The following PSMD1 variants were observed in gnomAD, a reference collection of about 807,000 sequenced individuals.
PSMD1 encodes 26S proteasome non-ATPase regulatory subunit 1.
PSMD1 carries 18 observed loss-of-function variants against 119.0 expected under a neutral mutation model. The observed-to-expected ratio is 0.15, with a 90% CI of 0.10 to 0.22. The LOEUF (loss-of-function observed/expected upper bound fraction) is 0.22. PSMD1 is among the 10% of genes least tolerant of loss of function. The probability of loss-of-function intolerance (pLI) is 1.00; values close to 1 mark genes in which losing one functional copy is unlikely to be tolerated. For missense variants in PSMD1, 702 were observed against 1,158.5 expected, an observed-to-expected ratio of 0.61 and a Z score of 5.72; for synonymous variants, 374 against 396.6, an observed-to-expected ratio of 0.94 and a Z score of 0.68.
chr2:231,102,267 T>C (rs1468424073), intron 16 of PSMD1, among the ~76,000 whole-genome samples: 1 of 152,216 alleles, frequency 6.6e-6, no homozygotes, highest in Non-Finnish European at 1.5e-5. Flanking sequence ...ATACTCTCTT[T>C]ATTGTAGTAG....
At chr2:231,093,627 A>G (rs1209954275) in intron 16 of PSMD1, among the ~76,000 whole-genome samples, 1 of 152,178 alleles carries the variant, frequency 6.6e-6, no homozygotes. Context: ...ACATTTTTCC[A>G]TTAAACTGCA....
At chr2:231,131,456 A>G (rs1296611370) in intron 16 of PSMD1, among the ~76,000 whole-genome samples, 2 of 152,130 alleles carry the variant, frequency 1.3e-5, no homozygotes, top group African/African-American at 4.8e-5. Flanking sequence ...CATTCCAATC[A>G]TTGCTTAGAA....
At chr2:231,107,781 G>A (rs563062193) in intron 16 of PSMD1, among the ~76,000 whole-genome samples, 37 of 152,298 alleles carry the variant, frequency 2.4e-4, no homozygotes, top group African/African-American at 7.5e-4. Context: ...GCTTGTGCAC[G>A]TTAATTAATA....
In PSMD1 at chr2:231,086,893, C is replaced by G. The variant is rs41265103; in HGVS notation, c.1819-224C>G. 2.8e-3 allele frequency among the ~76,000 whole-genome samples: 423 copies of G among 152,238 alleles called. 2 individuals are homozygous for G. The highest frequency in any genetic ancestry group is 4.9e-3 in the Non-Finnish European group (331 of 68,008). ...AGAAGTTTGAGACCAGACTGGGCAA[C>G]ATAGGGAGACCCTGTCTCTATAAAA... is the stretch of plus-strand genomic sequence containing the variant. On this transcript the variant is annotated intron_variant, in intron 15 of 24. Coordinates refer to ENST00000308696, the MANE Select transcript of PSMD1 (RefSeq NM_002807.4).
chr2:231,156,280 C>T (rs1044186967), intron 19 of PSMD1, among the ~76,000 whole-genome samples: 2 of 152,076 alleles, frequency 1.3e-5, no homozygotes, highest in African/African-American at 4.8e-5. Flanking sequence ...CCAATTTCCC[C>T]TGTTATTGGC....
intron 17 of PSMD1, among the ~76,000 whole-genome samples, chr2:231,143,816 C>T (rs1696187830): frequency 6.6e-6 from 1 of 152,134 alleles, no homozygotes; most frequent in Non-Finnish European, 1.5e-5. Flanking sequence ...TTTCATAGAA[C>T]TGATATTCTG....
rs919241864 is a variant in PSMD1, at chr2:231,077,039, A to G, written c.948A>G (p.Pro316=). The change falls in exon 9 of 25, where the codon CCA becomes CCG. Residue 316 remains proline (P), a synonymous_variant. Transcript: ENST00000308696. ...AFVGKTPEAS[P]EPKDQTLKMI... ...TTTTTTGTTTGTTTTGGCAGAGTCC[A>G]GAGCCTAAGGACCAGACTTTGAAAA... 1 of 1,596,362 alleles carries G rather than the reference A, an allele frequency of 6.3e-7. No homozygotes were observed. The highest frequency in any genetic ancestry group is 1.8e-5 in the Admixed American group (1 of 54,952).
intron 4 of PSMD1, among the ~76,000 whole-genome samples, chr2:231,065,356 G>A (rs1044203179): frequency 6.0e-5 from 9 of 151,164 alleles, no homozygotes; most frequent in African/African-American, 1.9e-4. Context: ...GCAGTGGCGC[G>A]ATCTCGGCTC....
chr2:231,069,324 G>A lies in PSMD1; in HGVS notation c.511-701G>A, dbSNP rs542277199. On this transcript the variant is annotated intron_variant, in intron 5 of 24. Transcript: ENST00000308696. ...GATATAACTCTGTTATTTTTAAATT[G>A]TATTTTTTATTTTTTTAATTTGCTA... is the stretch of plus-strand genomic sequence containing the variant. 2.8e-4 allele frequency among the ~76,000 whole-genome samples: 42 copies of A among 151,918 alleles called. No individual in the cohort carries two copies. The South Asian group carries it at 7.9e-3, about 29-fold the overall frequency.
rs374199171 is a variant in PSMD1, at chr2:231,163,739, G to T, written c.2481+12G>T. ...AAGAAAAGGAAAAGGTAGGTTCTTT[G>T]TTCCTTTTAGCAGCATTTGTACTTA... On this transcript the variant is annotated intron_variant, in intron 21 of 24. Transcript: ENST00000308696. 3.2e-6 allele frequency: 5 copies of T among 1,568,832 alleles called. No homozygotes were observed. In the African/African-American group the frequency reaches 5.4e-5, roughly 17 times the overall value.
intron 16 of PSMD1, chr2:231,124,847 T>C (rs902816638): frequency 2.0e-5 from 3 of 152,186 alleles, no homozygotes; most frequent in African/African-American, 7.2e-5. Context: ...CCTTTAGCAT[T>C]AGTAAATTTT....
intron 16 of PSMD1, among the ~76,000 whole-genome samples, chr2:231,101,337 G>A (rs916893500): frequency 1.3e-5 from 2 of 152,056 alleles, no homozygotes; most frequent in Non-Finnish European, 2.9e-5. Flanking sequence ...TGAAGCTTTT[G>A]CAAAACCTCC....
At chr2:231,130,510 G>T (rs1304195667) in intron 16 of PSMD1, among the ~76,000 whole-genome samples, 1 of 152,030 alleles carries the variant, frequency 6.6e-6, no homozygotes, top group African/African-American at 2.4e-5. Context: ...TCACTCTGTT[G>T]CCCAGGCTGT....
At chr2:231,094,362 TG>T (rs1296775054) in intron 16 of PSMD1, among the ~76,000 whole-genome samples, 1 of 152,242 alleles carries the variant, frequency 6.6e-6, no homozygotes, top group East Asian at 1.9e-4. Flanking sequence ...CATAAGCCAA[TG>T]GGCCAGGCAG....
intron 12 of PSMD1, among the ~76,000 whole-genome samples, chr2:231,082,210 G>A (rs1274141759): frequency 6.6e-6 from 1 of 152,084 alleles, no homozygotes; most frequent in South Asian, 2.1e-4. Flanking sequence ...TCACAGGCAT[G>A]CACCACCACG....
intron 20 of PSMD1, among the ~76,000 whole-genome samples, chr2:231,162,850 A>C (rs1397262909): frequency 6.6e-5 from 10 of 151,006 alleles, no homozygotes; most frequent in African/African-American, 2.4e-4. Flanking sequence ...AGAAAGAAAG[A>C]AAGAAAGGAA....
chr2:231,058,363 T>A (rs996805675), intron 1 of PSMD1, among the ~76,000 whole-genome samples: 1 of 152,254 alleles, frequency 6.6e-6, no homozygotes. Context: ...GTTTTTCTTG[T>A]GGACTATGCT....
chr2:231,168,332 T>A (rs536421804), intron 23 of PSMD1, among the ~76,000 whole-genome samples: 1 of 152,224 alleles, frequency 6.6e-6, no homozygotes. Flanking sequence ...AAGAGAAAAC[T>A]GTGCCCACAC....
rs75590540 is a variant in PSMD1 at position 231,156,497 on chromosome 2, A to G, written c.2218+2831A>G. Among the ~76,000 whole-genome samples, 1,045 of 152,098 alleles carry G rather than the reference A, an allele frequency of 6.9e-3. 28 individuals carry two copies. In the East Asian group the frequency reaches 0.1, roughly 15 times the overall value. On this transcript the variant is annotated intron_variant, in intron 19 of 24. Transcript: ENST00000308696. ...CCTAAAAATTCCCTGTGCTTAACCT[A>G]TTTATCCCTCCTTGCCCTCCCCACA...
Sources: gnomAD v4.1 joint callset for allele counts (sites outside exome capture counted in the v4.1 genomes callset) on GRCh38, gnomAD v4.1.1 for gene constraint, MANE v1.5 for transcripts, NCBI Gene and HGNC (gene_info 2026-07-23, HGNC 2026-07-21) for gene names.